The following BORCS5 variants were observed in gnomAD, a reference collection of about 807,000 sequenced individuals.
BORCS5 encodes the protein BLOC-1-related complex subunit 5.
A neutral mutation model predicts 22.1 loss-of-function variants in BORCS5; 17 were observed. That is an observed-to-expected ratio of 0.77 (90% confidence interval 0.53 to 1.15). BORCS5 has a LOEUF of 1.15. Ranked by LOEUF, BORCS5 falls within the 50% of genes most tolerant of loss-of-function variation. The pLI is 0.00. For synonymous variants in BORCS5, 117 were observed against 99.8 expected (o/e 1.17, Z -1.03); for missense variants, 247 against 253.2 (o/e 0.98, Z 0.17).
At chr12:12,427,664 G>C (rs867505295) in intron 2 of BORCS5, among the ~76,000 whole-genome samples, 1 of 152,114 alleles carries the variant, frequency 6.6e-6, no homozygotes, top group Non-Finnish European at 1.5e-5. Context: ...ACCATAAACC[G>C]GGTGGCTTAA....
In BORCS5 at chr12:12,401,264, G is replaced by A. The variant is rs890759755; in HGVS notation, c.203-34364G>A. On this transcript the variant is annotated intron_variant, in intron 2 of 3. Coordinates refer to ENST00000314565, the MANE Select transcript of BORCS5 (RefSeq NM_058169.6). ...TTCAAAGTAGTTATGCTCTTTTATCGCCTTACTAGCTATATATTAGAGTTC... is the reference window on the plus strand; with the variant it reads ...TTCAAAGTAGTTATGCTCTTTTATCACCTTACTAGCTATATATTAGAGTTC... Among the ~76,000 whole-genome samples, 4 of 151,162 alleles carry A rather than the reference G, an allele frequency of 2.6e-5. No individual in the cohort carries two copies. The South Asian group carries it at 6.3e-4, about 24-fold the overall frequency.
At chr12:12,376,813 AC>A (rs1423019048) in intron 2 of BORCS5, among the ~76,000 whole-genome samples, 5 of 152,154 alleles carry the variant, frequency 3.3e-5, no homozygotes, top group African/African-American at 1.2e-4. Flanking sequence ...CACTTTTACC[AC>A]TAGATGTCAC....
intron 2 of BORCS5, among the ~76,000 whole-genome samples, chr12:12,418,964 C>T (rs899436712): frequency 2.6e-5 from 4 of 151,908 alleles, no homozygotes; most frequent in South Asian, 2.1e-4. Flanking sequence ...GTATTGCTGT[C>T]GTCTTCTGTG....
intron 2 of BORCS5, among the ~76,000 whole-genome samples, chr12:12,434,676 G>A (rs1418427430): frequency 1.3e-5 from 2 of 152,182 alleles, no homozygotes; most frequent in Non-Finnish European, 2.9e-5. Context: ...TGGTTTGGAA[G>A]AATATTTTCC....
intron 2 of BORCS5, among the ~76,000 whole-genome samples, chr12:12,435,125 C>T (rs1942526399): frequency 6.6e-6 from 1 of 152,142 alleles, no homozygotes; most frequent in East Asian, 1.9e-4. Context: ...TTAAATGTCT[C>T]CATTTTAGCA....
chr12:12,434,556 T>A (rs190584629), intron 2 of BORCS5, among the ~76,000 whole-genome samples: 1 of 152,318 alleles, frequency 6.6e-6, no homozygotes, highest in Non-Finnish European at 1.5e-5. Context: ...TGATGTGAAA[T>A]AGCAACAGAT....
At chr12:12,400,451 A>G (rs1029328299) in intron 2 of BORCS5, among the ~76,000 whole-genome samples, 1 of 152,118 alleles carries the variant, frequency 6.6e-6, no homozygotes, top group Non-Finnish European at 1.5e-5. Flanking sequence ...GTGGAGCCAT[A>G]GATTCCATCA....
intron 2 of BORCS5, among the ~76,000 whole-genome samples, chr12:12,404,596 A>AACCATAGCAAGC (rs1379321651): frequency 2.0e-5 from 3 of 152,224 alleles, no homozygotes; most frequent in Non-Finnish European, 4.4e-5. Context: ...GACCCATTCA[A>AACCATAGCAAGC]ACCATAGCAA....
chr12:12,465,760 G>T lies in BORCS5; in HGVS notation c.575G>T (p.Arg192Leu). 1 of 1,612,616 alleles carries T rather than the reference G, an allele frequency of 6.2e-7. No homozygotes were observed. The highest frequency in any genetic ancestry group is 8.5e-7 in the Non-Finnish European group (1 of 1,179,634). The change falls in exon 4 of 4, where the codon CGC becomes CTC. Residue 192 changes from arginine to leucine, a missense_variant. Physicochemically the swap from Arg to Leu is moderately radical, Grantham distance 102 (BLOSUM62 -2). Transcript: ENST00000314565. ...RLEPFSMKPD[R>L]ELRL ...GAGCCCTTCAGCATGAAGCCCGACCGCGAGCTCAGGCTGTAGCTGCTGCCC... is the reference window on the plus strand; with the variant it reads ...GAGCCCTTCAGCATGAAGCCCGACCTCGAGCTCAGGCTGTAGCTGCTGCCC...
At chr12:12,384,462 C>A (rs1248931168) in intron 2 of BORCS5, among the ~76,000 whole-genome samples, 1 of 148,894 alleles carries the variant, frequency 6.7e-6, no homozygotes, top group Non-Finnish European at 1.5e-5. Flanking sequence ...TTTCTATTGA[C>A]TGCATTTTTT....
chr12:12,465,702 C>T lies in BORCS5; in HGVS notation c.517C>T (p.Leu173Phe). The T allele has an allele frequency of 6.2e-7, 1 of 1,614,272 alleles. No homozygotes were observed. Among genetic ancestry groups the T allele is most frequent in the South Asian group, 1.1e-5 (1 of 91,090 alleles). The change falls in exon 4 of 4, where the codon CTC (leucine) becomes TTC (phenylalanine). Residue 173 changes from leucine to phenylalanine, a missense_variant. Transcript: ENST00000314565. ...CCAGACTGTGCCCCTGCTGGACAGG[C>T]TCAACAGCATGCTGCCCGAGGGCGA... ...IDQTVPLLDR[L>F]NSMLPEGERL...
intron 3 of BORCS5, among the ~76,000 whole-genome samples, chr12:12,437,749 G>C (rs1216702200): frequency 6.6e-6 from 1 of 152,146 alleles, no homozygotes; most frequent in Non-Finnish European, 1.5e-5. Context: ...TGCTATTGTA[G>C]ACATAAGACT....
intron 2 of BORCS5, among the ~76,000 whole-genome samples, chr12:12,412,545 T>G (rs1941762674): frequency 6.6e-6 from 1 of 152,238 alleles, no homozygotes; most frequent in Non-Finnish European, 1.5e-5. Flanking sequence ...TTTCTATATA[T>G]GAGATCATAT....
intron 2 of BORCS5, among the ~76,000 whole-genome samples, chr12:12,384,424 A>G (rs1863838252): frequency 6.7e-6 from 1 of 149,154 alleles, no homozygotes. Flanking sequence ...TGTCTGCTGT[A>G]TCTAGTATCT....
At chr12:12,444,437 A>C (rs1050475807) in intron 3 of BORCS5, among the ~76,000 whole-genome samples, 9 of 152,178 alleles carry the variant, frequency 5.9e-5, no homozygotes, top group African/African-American at 2.2e-4. Context: ...CCAGTGGCAA[A>C]AGGGAAAAAA....
rs1300390541 is a variant in BORCS5 at position 12,469,906 on chromosome 12, G to GT, written c.*4130_*4131insT. Among the ~76,000 whole-genome samples, 2 of 152,080 alleles carry GT rather than the reference G, an allele frequency of 1.3e-5. No homozygotes were observed. The highest frequency in any genetic ancestry group is 2.9e-5 in the Non-Finnish European group (2 of 68,016). ...ACCTTTCGCTTCATTCCTTTGTTAA[G>GT]AACTATATAGTGCCTCTGAGGAGGT... On this transcript the variant is annotated 3_prime_UTR_variant, in exon 4 of 4. Transcript: ENST00000314565.
At chr12:12,465,514 A>G (rs779089391) in intron 3 of BORCS5, 32 bp from the exon 4 acceptor site, 3 of 1,586,790 alleles carry the variant, frequency 1.9e-6, no homozygotes, top group South Asian at 2.2e-5. Context: ...TGATTAAACA[A>G]GGTATAATGT....
intron 2 of BORCS5, among the ~76,000 whole-genome samples, chr12:12,425,940 C>G (rs962110911): frequency 3.3e-5 from 5 of 152,182 alleles, no homozygotes; most frequent in Non-Finnish European, 7.3e-5. Context: ...GAAATTAACA[C>G]GAATTGTGTG....
At chr12:12,438,467 C>G (rs1318069519) in intron 3 of BORCS5, among the ~76,000 whole-genome samples, 1 of 151,776 alleles carries the variant, frequency 6.6e-6, no homozygotes, top group Non-Finnish European at 1.5e-5. Context: ...CTGACTAGCT[C>G]TATATCAGAG....
Sources: gnomAD v4.1 joint callset for allele counts (sites outside exome capture counted in the v4.1 genomes callset) on GRCh38, gnomAD v4.1.1 for gene constraint, MANE v1.5 for transcripts, NCBI Gene and HGNC (gene_info 2026-07-23, HGNC 2026-07-21) for gene names.